Variants in NEBL observed in about 807,000 individuals in gnomAD.
NEBL encodes the protein LIM and SH3 protein 2.
A neutral mutation model predicts 140.2 loss-of-function variants in NEBL; 122 were observed. That is an observed-to-expected ratio of 0.87 (90% CI 0.75 to 1.01). The LOEUF is 1.01. NEBL is among the 50% of genes least tolerant of loss of function. The probability of loss-of-function intolerance (pLI) is 0.00; values close to 1 mark genes in which losing one functional copy is unlikely to be tolerated. For synonymous variants in NEBL, 436 were observed against 398.9 expected, an observed-to-expected ratio of 1.09 and a Z score of -1.11; for missense variants, 1,365 against 1,231.3, an observed-to-expected ratio of 1.11 and a Z score of -1.62.
intron 2 of NEBL, among the ~76,000 whole-genome samples, chr10:21,077,048 C>A (rs997322960): frequency 6.6e-5 from 10 of 152,050 alleles, no homozygotes; most frequent in Non-Finnish European, 2.9e-5. Context: ...AAAATGGTAA[C>A]CTTTATGTTA....
chr10:20,829,997 G>C (rs961656227), intron 16 of NEBL, among the ~76,000 whole-genome samples: 7 of 152,152 alleles, frequency 4.6e-5, no homozygotes, highest in African/African-American at 1.7e-4. Flanking sequence ...TCTATTTGTT[G>C]TTTAATGCAT....
At chr10:20,795,439 A>T (rs924824781) in intron 26 of NEBL, among the ~76,000 whole-genome samples, 5 of 152,162 alleles carry the variant, frequency 3.3e-5, no homozygotes, top group Non-Finnish European at 7.3e-5. Flanking sequence ...AAATTCACCC[A>T]CTTTTGGAAA....
intron 2 of NEBL, among the ~76,000 whole-genome samples, chr10:21,094,231 G>A (rs547196819): frequency 5.3e-5 from 8 of 152,186 alleles, no homozygotes; most frequent in East Asian, 1.9e-4. Flanking sequence ...GGCCGGAGAC[G>A]GTGGCTCACG....
chr10:20,813,464 G>A (rs1838374165), intron 23 of NEBL, among the ~76,000 whole-genome samples: 1 of 152,044 alleles, frequency 6.6e-6, no homozygotes, highest in Non-Finnish European at 1.5e-5. Flanking sequence ...AGGTCCAGGA[G>A]ATAGTTGTGT....
At chr10:21,088,574 G>A (rs1362429936) in intron 2 of NEBL, among the ~76,000 whole-genome samples, 1 of 152,164 alleles carries the variant, frequency 6.6e-6, no homozygotes, top group African/African-American at 2.4e-5. Flanking sequence ...TGGCCACTCT[G>A]AGTGCAGCCA....
At chr10:20,929,631 C>T (rs1345545030) in intron 4 of NEBL, among the ~76,000 whole-genome samples, 3 of 152,010 alleles carry the variant, frequency 2.0e-5, no homozygotes, top group Non-Finnish European at 4.4e-5. Context: ...AGGCCATTAT[C>T]GTTAAGTGAA....
chr10:20,843,776 T>C (rs1241862541), intron 12 of NEBL, among the ~76,000 whole-genome samples: 1 of 152,120 alleles, frequency 6.6e-6, no homozygotes, highest in Non-Finnish European at 1.5e-5. Flanking sequence ...TATGATCCCA[T>C]CAGGGTAATT....
chr10:20,826,317 G>T, intron 18 of NEBL, 130 bp downstream of exon 18: 1 of 763,236 alleles, frequency 1.3e-6, no homozygotes, highest in South Asian at 1.5e-5. Context: ...TTTGATATAT[G>T]ATGAAATAGC....
chr10:20,981,571 A>C (rs1837044757), intron 3 of NEBL, among the ~76,000 whole-genome samples: 1 of 151,496 alleles, frequency 6.6e-6, no homozygotes, highest in Non-Finnish European at 1.5e-5. Context: ...AGCACTCCTT[A>C]TCTCTCCCAA....
At chr10:20,945,185 A>C (rs2131580163) in intron 4 of NEBL, among the ~76,000 whole-genome samples, 1 of 152,222 alleles carries the variant, frequency 6.6e-6, no homozygotes, top group South Asian at 2.1e-4. Flanking sequence ...ACCACTGCCA[A>C]GTCAGTCCTC....
intron 3 of NEBL, among the ~76,000 whole-genome samples, chr10:21,245,993 C>T (rs1286546870): frequency 6.6e-6 from 1 of 152,244 alleles, no homozygotes; most frequent in African/African-American, 2.4e-5. Context: ...CCGCACCCAG[C>T]CATATATTAC....
intron 2 of NEBL, chr10:21,112,987 C>A: frequency 3.4e-6 from 1 of 291,076 alleles, no homozygotes; most frequent in Non-Finnish European, 6.5e-6. Flanking sequence ...AACAAGTTTC[C>A]ACAGAAAAAA....
At chr10:21,205,564 C>T (rs1404834780) in intron 3 of NEBL, among the ~76,000 whole-genome samples, 1 of 151,866 alleles carries the variant, frequency 6.6e-6, no homozygotes, top group Non-Finnish European at 1.5e-5. Flanking sequence ...AATATAGATC[C>T]CATTTTTGTA....
At chr10:21,061,406 CATG>C (rs1193232334) in intron 2 of NEBL, among the ~76,000 whole-genome samples, 1 of 147,170 alleles carries the variant, frequency 6.8e-6, no homozygotes, top group African/African-American at 2.5e-5. Context: ...TTACATGGTA[CATG>C]ATACGTATCA....
intron 2 of NEBL, among the ~76,000 whole-genome samples, chr10:21,079,553 G>A (rs1379867968): frequency 4.6e-5 from 7 of 152,098 alleles, no homozygotes; most frequent in Non-Finnish European, 1.5e-5. Flanking sequence ...GCCTTCAGAG[G>A]GCTTTATAAA....
chr10:20,949,126 T>C (rs1479084754), intron 4 of NEBL, among the ~76,000 whole-genome samples: 1 of 152,206 alleles, frequency 6.6e-6, no homozygotes, highest in Non-Finnish European at 1.5e-5. Flanking sequence ...CCTATTTGAA[T>C]ACCCTTTATT....
chr10:21,031,605 C>A (rs1833797226), intron 2 of NEBL, among the ~76,000 whole-genome samples: 2 of 152,304 alleles, frequency 1.3e-5, no homozygotes, highest in South Asian at 4.1e-4. Context: ...CCTCCAATGC[C>A]TAGAAAATCT....
At chr10:21,219,744 T>C (rs1842041208) in intron 3 of NEBL, among the ~76,000 whole-genome samples, 2 of 152,210 alleles carry the variant, frequency 1.3e-5, no homozygotes, top group African/African-American at 4.8e-5. Flanking sequence ...CACTTATTTG[T>C]GTTCTCTTCA....
chr10:20,953,760 C>A (rs1835631568), intron 4 of NEBL, among the ~76,000 whole-genome samples: 1 of 151,862 alleles, frequency 6.6e-6, no homozygotes, highest in African/African-American at 2.4e-5. Flanking sequence ...TTGAAAGCAA[C>A]TTGAGAAACT....
Sources: gnomAD v4.1 joint callset for allele counts (sites outside exome capture counted in the v4.1 genomes callset) on GRCh38, gnomAD v4.1.1 for gene constraint, MANE v1.5 for transcripts, NCBI Gene and HGNC (gene_info 2026-07-23, HGNC 2026-07-21) for gene names.